The following PTPRQ variants were observed in gnomAD, a reference collection of about 807,000 sequenced individuals.
PTPRQ encodes the protein protein tyrosine phosphatase receptor type Q, also known as phosphatidylinositol phosphatase PTPRQ.
PTPRQ carries 199 observed loss-of-function variants against 246.0 expected under a neutral mutation model. The ratio of observed to expected loss-of-function variants is 0.81; its 90% CI spans 0.72 to 0.91. The LOEUF is 0.91. PTPRQ is among the 40% of genes least tolerant of loss of function. PTPRQ has a pLI of 0.00. For synonymous variants in PTPRQ, 869 were observed against 853.2 expected (o/e 1.02, Z -0.32); for missense variants, 2,624 against 2,528.4 (o/e 1.04, Z -0.81).
chr12:80,621,262 A>G (rs1898976290), intron 32 of PTPRQ, among the ~76,000 whole-genome samples: 1 of 151,982 alleles, frequency 6.6e-6, no homozygotes, highest in Admixed American at 6.6e-5. Flanking sequence ...CACATATGAT[A>G]GTTATAAAAA....
intron 33 of PTPRQ, among the ~76,000 whole-genome samples, chr12:80,630,539 C>T (rs754905045): frequency 6.6e-6 from 1 of 152,104 alleles, no homozygotes; most frequent in Non-Finnish European, 1.5e-5. Context: ...GTGGCAGCAA[C>T]AGCATGATCC....
chr12:80,579,035 T>C (rs1897356082), intron 25 of PTPRQ, among the ~76,000 whole-genome samples: 1 of 152,184 alleles, frequency 6.6e-6, no homozygotes, highest in Non-Finnish European at 1.5e-5. Context: ...CAATATACCA[T>C]CACATCCTGT....
chr12:80,591,760 G>A (rs992490975), intron 26 of PTPRQ, among the ~76,000 whole-genome samples: 1 of 152,116 alleles, frequency 6.6e-6, no homozygotes, highest in Non-Finnish European at 1.5e-5. Context: ...CTGGCTTGTG[G>A]ACAGCTGATT....
intron 25 of PTPRQ, 110 bp downstream of exon 25, chr12:80,549,844 A>G (rs1896419448): frequency 7.2e-7 from 1 of 1,384,330 alleles, no homozygotes; most frequent in Non-Finnish European, 9.5e-7. Flanking sequence ...CAAAGCACAT[A>G]TTAAAAAATA....
intron 17 of PTPRQ, among the ~76,000 whole-genome samples, chr12:80,521,378 T>C (rs574541692): frequency 3.9e-4 from 59 of 152,332 alleles, no homozygotes; most frequent in Non-Finnish European, 8.1e-4. Flanking sequence ...TAGATCCCAT[T>C]TGTCAATTTT....
intron 17 of PTPRQ, chr12:80,512,562 C>T (rs1241744831): frequency 1.3e-5 from 2 of 152,298 alleles, no homozygotes; most frequent in East Asian, 1.9e-4. Flanking sequence ...AAGAATATAG[C>T]ATGGCTCAAA....
At chr12:80,622,660 C>G (rs571494575) in intron 33 of PTPRQ, among the ~76,000 whole-genome samples, 124 of 152,052 alleles carry the variant, frequency 8.2e-4, no homozygotes, top group Middle Eastern at 3.4e-3. Context: ...GCCAGGATTC[C>G]AACATTACAG....
At position 80,506,205 on chromosome 12, in the gene PTPRQ, A is replaced by G; in HGVS notation, c.2454A>G (p.Lys818=). The change falls in exon 15 of 45, where the codon AAA becomes AAG. Residue 818 remains lysine (K), a splice_region_variant and synonymous_variant. Coordinates refer to ENST00000644991, the MANE Select transcript of PTPRQ (RefSeq NM_001145026.2). ...INTTSLTQNI[K]VLKKYTQYII... ...CAACCTCTTTAACCCAAAACATTAA[A>G]GGTAAAAGAACAAATCTAATATTGG... is the stretch of plus-strand genomic sequence containing the variant. 6.8e-7 allele frequency: 1 copy of G among 1,473,504 alleles called. No individual in the cohort carries two copies. Among genetic ancestry groups the G allele is most frequent in the African/African-American group, 1.4e-5 (1 of 69,258 alleles). 91.3% of individuals were successfully genotyped at this position (1,473,504 alleles called of 1,614,324 possible). A position where few individuals can be genotyped will look rare whatever the true frequency, so the allele number is the denominator to read the frequency against.
intron 16 of PTPRQ, among the ~76,000 whole-genome samples, chr12:80,508,604 T>G (rs987413417): frequency 6.6e-6 from 1 of 152,014 alleles, no homozygotes; most frequent in East Asian, 1.9e-4. Flanking sequence ...TGAGATGCTC[T>G]GAGATGACAA....
Position 80,459,481 on chromosome 12 carries a change from A to G in PTPRQ, c.658A>G (p.Asn220Asp). The change falls in exon 5 of 45, where the codon AAT becomes GAT. Residue 220 changes from asparagine to aspartate, a missense_variant and splice_region_variant. Asn to Asp is a conservative substitution (Grantham distance 23). Coordinates refer to ENST00000644991, the MANE Select transcript of PTPRQ (RefSeq NM_001145026.2). ...TTTGACTGGGAAATTGCCAGAATGC[A>G]ATGTAAGTATCACAGAACACTTTCT... is the stretch of plus-strand genomic sequence containing the variant. ...DILTGKLPECNENSESFLWST... is the reference protein window; with the variant it reads ...DILTGKLPECDENSESFLWST... The G allele has an allele frequency of 2.5e-6, 1 of 398,442 alleles. No individual in the cohort carries two copies. The highest frequency in any genetic ancestry group is 4.4e-5 in the Admixed American group (1 of 22,724). 24.7% of individuals were successfully genotyped at this position (398,442 alleles called of 1,614,324 possible).
At chr12:80,487,597 T>C (rs1045327361) in intron 9 of PTPRQ, among the ~76,000 whole-genome samples, 1 of 152,122 alleles carries the variant, frequency 6.6e-6, no homozygotes, top group Non-Finnish European at 1.5e-5. Flanking sequence ...AATTATCCTC[T>C]CTGTCATGAA....
At chr12:80,605,681 TA>T (rs1898291133) in intron 27 of PTPRQ, among the ~76,000 whole-genome samples, 1 of 150,892 alleles carries the variant, frequency 6.6e-6, no homozygotes, top group South Asian at 2.1e-4. Context: ...TAAATGGGAA[TA>T]GGGGTGTAAA....
intron 25 of PTPRQ, among the ~76,000 whole-genome samples, chr12:80,566,220 G>A (rs1046109049): frequency 1.3e-5 from 2 of 152,178 alleles, no homozygotes; most frequent in East Asian, 1.9e-4. Flanking sequence ...GCTCATGCCT[G>A]TAATCCCAGC....
At position 80,669,322 on chromosome 12, in the gene PTPRQ, A is replaced by G; in HGVS notation, c.6328-17A>G. 1 of 1,547,730 alleles carries G rather than the reference A, an allele frequency of 6.5e-7. No homozygotes were observed. Among genetic ancestry groups the G allele is most frequent in the Non-Finnish European group, 8.7e-7 (1 of 1,145,504 alleles). On this transcript the variant is annotated splice_polypyrimidine_tract_variant and intron_variant, in intron 40 of 44. Coordinates refer to ENST00000644991, the MANE Select transcript of PTPRQ (RefSeq NM_001145026.2). ...ATAACAATGACGCTTATGACTGATG[A>G]TTTTCTCTGAATGCAGATCAGATGC... is the stretch of plus-strand genomic sequence containing the variant.
chr12:80,512,419 T>A (rs978974568), intron 17 of PTPRQ, among the ~76,000 whole-genome samples: 1 of 152,204 alleles, frequency 6.6e-6, no homozygotes, highest in Non-Finnish European at 1.5e-5. Flanking sequence ...GGGTATGAAC[T>A]CCATGTCAAT....
intron 33 of PTPRQ, among the ~76,000 whole-genome samples, chr12:80,626,216 G>A (rs1045283152): frequency 2.6e-5 from 4 of 152,250 alleles, no homozygotes; most frequent in African/African-American, 2.4e-5. Context: ...TTTTGTTAAC[G>A]AGACAGTGGT....
Position 80,472,151 on chromosome 12 carries a change from T to A in PTPRQ, c.1086T>A (p.Thr362=), listed in dbSNP as rs962440574. ...NSTKDLKFAF[T]NLTPFTMYDV... ...CAAAAGACCTCAAGTTTGCATTCAC[T>A]AACCTAACACCATTTACAATGTATG... The change falls in exon 8 of 45, where the codon ACT becomes ACA. Residue 362 remains threonine, a synonymous_variant. Transcript: ENST00000644991. 2 of 1,551,616 alleles carry A rather than the reference T, an allele frequency of 1.3e-6. No homozygotes were observed. Among genetic ancestry groups the A allele is most frequent in the Admixed American group, 3.9e-5 (2 of 50,988 alleles).
At chr12:80,449,139 T>C (rs1251138897) in intron 3 of PTPRQ, among the ~76,000 whole-genome samples, 10 of 151,296 alleles carry the variant, frequency 6.6e-5, no homozygotes, top group Non-Finnish European at 7.4e-5. Context: ...TACTGAGCAT[T>C]TTTTCATGTG....
intron 33 of PTPRQ, among the ~76,000 whole-genome samples, chr12:80,628,951 C>T (rs1196071370): frequency 2.0e-5 from 3 of 151,990 alleles, no homozygotes; most frequent in Non-Finnish European, 4.4e-5. Flanking sequence ...GTGTGTTAAA[C>T]AATAGAAGTT....
Sources: gnomAD v4.1 joint callset for allele counts (sites outside exome capture counted in the v4.1 genomes callset) on GRCh38, gnomAD v4.1.1 for gene constraint, MANE v1.5 for transcripts, NCBI Gene and HGNC (gene_info 2026-07-23, HGNC 2026-07-21) for gene names.